Variants in ABTB3 observed in about 807,000 individuals in gnomAD.
ABTB3 encodes ankyrin repeat- and BTB/POZ domain-containing protein 3.
chr12:107,503,538 G>T, the ABTB3 span, among the ~76,000 whole-genome samples: 2 of 151,862 alleles, frequency 1.3e-5, no homozygotes, highest in Non-Finnish European at 2.9e-5. Context: ...GGGCCGAGGT[G>T]GGAGAATCCA....
the ABTB3 span, among the ~76,000 whole-genome samples, chr12:107,400,729 A>G: frequency 6.6e-6 from 1 of 152,054 alleles, no homozygotes; most frequent in Non-Finnish European, 1.5e-5. Context: ...GTATACAAAG[A>G]GAGACTTACA....
chr12:107,580,668 G>T, the ABTB3 span: 1 of 551,872 alleles, frequency 1.8e-6, no homozygotes, highest in Non-Finnish European at 2.9e-6. Context: ...CCAGAAAGAC[G>T]ACAGGGACGA....
At chr12:107,476,620 T>G in the ABTB3 span, among the ~76,000 whole-genome samples, 1 of 150,604 alleles carries the variant, frequency 6.6e-6, no homozygotes, top group Non-Finnish European at 1.5e-5. Flanking sequence ...AAGGGGAGGG[T>G]CAGGAAATGA....
the ABTB3 span, among the ~76,000 whole-genome samples, chr12:107,523,769 T>A: frequency 6.6e-6 from 1 of 152,150 alleles, no homozygotes; most frequent in Admixed American, 6.5e-5. Flanking sequence ...GGAGAGACAT[T>A]GCTGTAAGAC....
the ABTB3 span, chr12:107,651,625 C>T: frequency 7.3e-7 from 1 of 1,377,670 alleles, no homozygotes; most frequent in South Asian, 1.2e-5. Flanking sequence ...TTGTTACCTC[C>T]TTTCCATCCA....
the ABTB3 span, among the ~76,000 whole-genome samples, chr12:107,606,421 C>G: frequency 6.6e-6 from 1 of 152,188 alleles, no homozygotes; most frequent in South Asian, 2.1e-4. Flanking sequence ...AAACACATCT[C>G]CTGATGTTCT....
chr12:107,477,030 G>T, the ABTB3 span, among the ~76,000 whole-genome samples: 1 of 152,158 alleles, frequency 6.6e-6, no homozygotes. Context: ...TCCACATCAG[G>T]TGTGTCCACA....
the ABTB3 span, among the ~76,000 whole-genome samples, chr12:107,639,101 G>A: frequency 6.6e-6 from 1 of 152,232 alleles, no homozygotes. Flanking sequence ...ACCTAGGGAT[G>A]AGCCAGGTTT....
chr12:107,391,468 A>C, the ABTB3 span, among the ~76,000 whole-genome samples: 224 of 152,272 alleles, frequency 1.5e-3, no homozygotes, highest in East Asian at 0.018. Flanking sequence ...AGAGGGAATG[A>C]GCATAACAGT....
At chr12:107,331,268 G>A in the ABTB3 span, among the ~76,000 whole-genome samples, 2 of 152,188 alleles carry the variant, frequency 1.3e-5, no homozygotes, top group African/African-American at 4.8e-5. Flanking sequence ...AGGTTTAGGG[G>A]CTGGGCTCAC....
At chr12:107,558,945 C>T in the ABTB3 span, among the ~76,000 whole-genome samples, 9 of 151,226 alleles carry the variant, frequency 6.0e-5, no homozygotes, top group East Asian at 3.9e-4. Flanking sequence ...GCCCACCCCC[C>T]GTGGGGCCCC....
the ABTB3 span, among the ~76,000 whole-genome samples, chr12:107,642,447 G>C: frequency 6.6e-6 from 1 of 152,168 alleles, no homozygotes; most frequent in Admixed American, 6.5e-5. Context: ...TCTGTGGGGG[G>C]CGGGGACAGT....
At chr12:107,370,404 C>T in the ABTB3 span, among the ~76,000 whole-genome samples, 2 of 152,226 alleles carry the variant, frequency 1.3e-5, no homozygotes, top group Admixed American at 6.5e-5. Context: ...CAATCAGCCC[C>T]ACAGGCTTGG....
the ABTB3 span, among the ~76,000 whole-genome samples, chr12:107,597,457 G>C: frequency 2.6e-5 from 4 of 152,204 alleles, no homozygotes; most frequent in Non-Finnish European, 5.9e-5. Context: ...ACGATACAGA[G>C]AGAATGGCAG....
At chr12:107,480,724 C>A in the ABTB3 span, among the ~76,000 whole-genome samples, 16 of 152,100 alleles carry the variant, frequency 1.1e-4, no homozygotes, top group Admixed American at 7.2e-4. Context: ...GTGTGTTTGT[C>A]CTGTGAGCAT....
At chr12:107,510,540 G>T in the ABTB3 span, among the ~76,000 whole-genome samples, 2 of 152,224 alleles carry the variant, frequency 1.3e-5, no homozygotes, top group Admixed American at 6.5e-5. Context: ...ACAGTGGTAG[G>T]TGCTATAAAG....
chr12:107,490,673 C>T, the ABTB3 span, among the ~76,000 whole-genome samples: 1 of 152,158 alleles, frequency 6.6e-6, no homozygotes, highest in African/African-American at 2.4e-5. Context: ...TTTTCTTCAT[C>T]TCATTACTGC....
the ABTB3 span, among the ~76,000 whole-genome samples, chr12:107,466,525 G>A: frequency 2.0e-5 from 3 of 152,018 alleles, no homozygotes; most frequent in Non-Finnish European, 4.4e-5. Flanking sequence ...GTGGCTTCTC[G>A]GTGGGTGTCA....
At chr12:107,640,266 C>T in the ABTB3 span, 1 of 1,127,230 alleles carries the variant, frequency 8.9e-7, no homozygotes. Flanking sequence ...TAAACTTCAT[C>T]CTTTTTTCCA....
Sources: gnomAD v4.1 joint callset for allele counts (sites outside exome capture counted in the v4.1 genomes callset) on GRCh38, gnomAD v4.1.1 for gene constraint, MANE v1.5 for transcripts, NCBI Gene and HGNC (gene_info 2026-07-23, HGNC 2026-07-21) for gene names.